The following MAP3K13 variants were observed in gnomAD, a reference collection of about 807,000 sequenced individuals.
MAP3K13 encodes the protein mitogen-activated protein kinase kinase kinase 13, also known as leucine zipper-bearing kinase.
MAP3K13 carries 52 observed loss-of-function variants against 104.0 expected under a neutral mutation model. That is an observed-to-expected ratio of 0.50 (90% CI 0.40 to 0.63). MAP3K13 has a LOEUF of 0.63. Among genes scored for constraint, MAP3K13 ranks in the 20% least tolerant of loss-of-function variants. The probability of loss-of-function intolerance (pLI) is 0.00; values close to 1 mark genes in which losing one functional copy is unlikely to be tolerated. For missense variants in MAP3K13, 914 were observed against 1,218.5 expected (o/e 0.75, Z 3.72); for synonymous variants, 394 against 442.2 (o/e 0.89, Z 1.37).
chr3:185,380,213 A>AAAAAC (rs1471589184), intron 1 of MAP3K13, among the ~76,000 whole-genome samples: 167 of 150,042 alleles, frequency 1.1e-3, no homozygotes, highest in Middle Eastern at 3.8e-3. Flanking sequence ...AAAAAAACAG[A>AAAAAC]AGAAGTGCTC....
chr3:185,290,667 T>G (rs779618679), intron 2 of MAP3K13, among the ~76,000 whole-genome samples: 117 of 152,310 alleles, frequency 7.7e-4, no homozygotes, highest in Non-Finnish European at 1.5e-3. Context: ...TTTCTTAATT[T>G]TTTTGTACTT....
chr3:185,389,170 T>G (rs964649131), intron 1 of MAP3K13, among the ~76,000 whole-genome samples: 13 of 152,180 alleles, frequency 8.5e-5, no homozygotes, highest in Non-Finnish European at 1.5e-4. Flanking sequence ...TAATAGATAC[T>G]ATGAGCACCA....
chr3:185,383,861 T>C (rs1391851416), intron 1 of MAP3K13, among the ~76,000 whole-genome samples: 2 of 152,230 alleles, frequency 1.3e-5, no homozygotes, highest in East Asian at 3.9e-4. Flanking sequence ...GGGATACATA[T>C]GATATTTTAA....
In MAP3K13 at chr3:185,480,434, C is replaced by G; in HGVS notation, c.2704C>G (p.His902Asp). The change falls in exon 13 of 14, where the codon CAC becomes GAC. Residue 902 changes from histidine (H) to aspartate (D), a missense_variant. Physicochemically the swap from His to Asp is moderately conservative, Grantham distance 81. Transcript: ENST00000265026. The stretch of plus-strand genomic sequence containing the variant: ...AGAGATTCCCATTGACATATCCTCA[C>G]ACTCGGATGGGCTCTCTGACAAGGA... ...TPEIPIDISSHSDGLSDKECA... is the reference protein window; with the variant it reads ...TPEIPIDISSDSDGLSDKECA... 6.2e-7 allele frequency: 1 copy of G among 1,614,212 alleles called. No individual in the cohort carries two copies. The highest frequency in any genetic ancestry group is 8.5e-7 in the Non-Finnish European group (1 of 1,180,046).
rs762057235 is a variant in MAP3K13 at position 185,466,864 on chromosome 3, A to G, written c.1544A>G (p.Tyr515Cys). Residue 515 changes from tyrosine to cysteine, a missense_variant, in exon 10 of 14, where the codon TAC becomes TGC. Tyr to Cys is a radical substitution (Grantham distance 194). Coordinates refer to ENST00000265026, the MANE Select transcript of MAP3K13 (RefSeq NM_004721.5). The stretch of plus-strand genomic sequence containing the variant: ...GTGGAAAAGAAGTATCCTGGGACCT[A>G]CAAACGACACCCTGTTCGTCCTATC... ...QAVEKKYPGT[Y>C]KRHPVRPIIH... is the part of the protein sequence containing the mutation. 2 of 1,613,976 alleles carry G rather than the reference A, an allele frequency of 1.2e-6. No homozygotes were observed. Among genetic ancestry groups the G allele is most frequent in the Non-Finnish European group, 1.7e-6 (2 of 1,179,854 alleles).
Position 185,398,632 on chromosome 3 carries a change from TATCTTTAC to T in MAP3K13, c.-85-29863_-85-29856del, listed in dbSNP as rs199784362. 4.7e-3 allele frequency among the ~76,000 whole-genome samples: 719 copies of T among 152,362 alleles called. 7 individuals carry two copies. The highest frequency in any genetic ancestry group is 0.016 in the African/African-American group (673 of 41,576). On this transcript the variant is annotated intron_variant, in intron 1 of 13. Coordinates refer to ENST00000265026, the MANE Select transcript of MAP3K13 (RefSeq NM_004721.5). ...GCATACCAAAAGATAAGGAAGATGTTATCTTTACACCATTACAGCCCCATATGGCTTCT... is the reference window on the plus strand; with the variant it reads ...GCATACCAAAAGATAAGGAAGATGTTACCATTACAGCCCCATATGGCTTCT...
At chr3:185,448,321 G>T (rs543523260) in intron 5 of MAP3K13, among the ~76,000 whole-genome samples, 114 of 152,146 alleles carry the variant, frequency 7.5e-4, no homozygotes, top group Non-Finnish European at 1.5e-3. Context: ...AATGACTCAG[G>T]TCATCATTAC....
At chr3:185,334,559 A>G (rs1375355552) in intron 2 of MAP3K13, among the ~76,000 whole-genome samples, 1 of 152,106 alleles carries the variant, frequency 6.6e-6, no homozygotes, top group Non-Finnish European at 1.5e-5. Flanking sequence ...GTTCAATGAA[A>G]AAAGAGTAGT....
intron 8 of MAP3K13, 142 bp from the exon 9 acceptor site, chr3:185,465,605 C>T: frequency 6.3e-6 from 4 of 638,206 alleles, no homozygotes; most frequent in South Asian, 5.4e-5. Flanking sequence ...GTCTGAGTTA[C>T]TGCACTGGAC....
rs143998966 is a variant in MAP3K13 at position 185,430,015 on chromosome 3, C to T, written c.475+959C>T. 8.6e-3 allele frequency among the ~76,000 whole-genome samples: 1,316 copies of T among 152,220 alleles called. 26 individuals are homozygous for T. The highest frequency in any genetic ancestry group is 0.03 in the African/African-American group (1,230 of 41,514). The stretch of plus-strand genomic sequence containing the variant: ...AGGAGTTCAAGACCAGCCTGGCCAA[C>T]ATGGTGATACCCCGTCTCTATTAAA... On this transcript the variant is annotated intron_variant, in intron 2 of 13. Transcript: ENST00000265026.
intron 13 of MAP3K13, 23 bp downstream of exon 13, chr3:185,480,552 C>G: frequency 6.2e-7 from 1 of 1,603,688 alleles, no homozygotes; most frequent in Non-Finnish European, 8.5e-7. Flanking sequence ...CCCTTCTCCT[C>G]CCATCACTGT....
intron 1 of MAP3K13, among the ~76,000 whole-genome samples, chr3:185,382,219 A>T (rs895507996): frequency 7.5e-5 from 10 of 132,528 alleles, no homozygotes; most frequent in Non-Finnish European, 1.5e-4. Context: ...ATTAGCAACA[A>T]TAACTAATAA....
intron 10 of MAP3K13, among the ~76,000 whole-genome samples, chr3:185,468,299 A>C (rs1717578018): frequency 6.6e-6 from 1 of 152,236 alleles, no homozygotes; most frequent in Non-Finnish European, 1.5e-5. Flanking sequence ...TGAAGTTTAA[A>C]TATGATAACA....
chr3:185,361,595 G>A (rs1411267066), upstream of MAP3K13, among the ~76,000 whole-genome samples: 1 of 151,962 alleles, frequency 6.6e-6, no homozygotes, highest in African/African-American at 2.4e-5. Context: ...TAGTAGAGAC[G>A]GGGTTTCACC....
At chr3:185,292,299 CG>C (rs1415220251) in intron 2 of MAP3K13, 1 of 149,444 alleles carries the variant, frequency 6.7e-6, no homozygotes, top group East Asian at 1.9e-4. Context: ...AGCGAGACTC[CG>C]TCTAAAAAAA....
intron 2 of MAP3K13, among the ~76,000 whole-genome samples, chr3:185,331,801 A>G (rs987838973): frequency 3.9e-5 from 6 of 152,290 alleles, no homozygotes; most frequent in African/African-American, 1.4e-4. Flanking sequence ...TTTTCCATGT[A>G]TCTTTCCAGA....
intron 11 of MAP3K13, 46 bp from the exon 12 acceptor site, chr3:185,477,280 G>C: frequency 8.2e-7 from 1 of 1,216,102 alleles, no homozygotes; most frequent in Non-Finnish European, 1.2e-6. Context: ...GAGAGAGACA[G>C]AGTGACACTA....
chr3:185,384,635 T>C (rs964235841), intron 1 of MAP3K13, among the ~76,000 whole-genome samples: 1 of 152,214 alleles, frequency 6.6e-6, no homozygotes, highest in African/African-American at 2.4e-5. Flanking sequence ...TTTGTTATTT[T>C]TTTGATAATA....
intron 2 of MAP3K13, among the ~76,000 whole-genome samples, chr3:185,309,106 A>G (rs894600000): frequency 6.6e-6 from 1 of 152,184 alleles, no homozygotes; most frequent in African/African-American, 2.4e-5. Context: ...TTATATCTGC[A>G]AAGAGCCTAT....
Sources: allele counts gnomAD v4.1 joint callset (sites outside exome capture counted in the v4.1 genomes callset), GRCh38; gene constraint gnomAD v4.1.1; transcripts MANE v1.5; gene names NCBI Gene and HGNC (gene_info 2026-07-23, HGNC 2026-07-21).